The following ABCD3 variants were observed in gnomAD, a reference collection of about 807,000 sequenced individuals.
The protein encoded by ABCD3 is ATP-binding cassette sub-family D member 3.
Under a neutral mutation model 105.5 loss-of-function variants are expected in ABCD3, and 41 were observed. The observed-to-expected ratio is 0.39, with a 90% CI of 0.30 to 0.50. The LOEUF (loss-of-function observed/expected upper bound fraction) is 0.50. Among genes scored for constraint, ABCD3 ranks in the 20% least tolerant of loss-of-function variants. The probability of loss-of-function intolerance (pLI) is 0.84; values close to 1 mark genes in which losing one functional copy is unlikely to be tolerated. For synonymous variants in ABCD3, 258 were observed against 269.0 expected, an observed-to-expected ratio of 0.96 and a Z score of 0.40; for missense variants, 622 against 806.3, an observed-to-expected ratio of 0.77 and a Z score of 2.77.
At chr1:94,447,694 A>C in intron 1 of ABCD3, among the ~76,000 whole-genome samples, 1 of 152,230 alleles carries the variant, frequency 6.6e-6, no homozygotes, top group East Asian at 1.9e-4. Context: ...CAATGTTATG[A>C]TCACTTGCAA....
At chr1:94,395,745 T>A in the ABCD3 span, among the ~76,000 whole-genome samples, 1 of 152,158 alleles carries the variant, frequency 6.6e-6, no homozygotes. Context: ...TAAAATTAAT[T>A]CTGCAGGTGT....
chr1:94,512,736 G>T (rs1398014855), intron 21 of ABCD3, among the ~76,000 whole-genome samples: 2 of 151,984 alleles, frequency 1.3e-5, no homozygotes, highest in Non-Finnish European at 2.9e-5. Flanking sequence ...AATAGTATCA[G>T]TTTTCTTTCT....
At chr1:94,396,306 C>T in the ABCD3 span, among the ~76,000 whole-genome samples, 1 of 152,296 alleles carries the variant, frequency 6.6e-6, no homozygotes, top group East Asian at 1.9e-4. Flanking sequence ...GTGAGATACA[C>T]CACTATAAAC....
chr1:94,469,140 G>A (rs945853197), intron 4 of ABCD3, among the ~76,000 whole-genome samples: 5 of 152,038 alleles, frequency 3.3e-5, no homozygotes, highest in African/African-American at 1.2e-4. Context: ...ACGTGGAGCC[G>A]GTCTTTTTTC....
chr1:94,515,455 G>T (rs1245236230), intron 22 of ABCD3, among the ~76,000 whole-genome samples: 3 of 151,928 alleles, frequency 2.0e-5, no homozygotes, highest in Non-Finnish European at 2.9e-5. Context: ...ACTAAACTTT[G>T]CATAGTCTTA....
intron 1 of ABCD3, among the ~76,000 whole-genome samples, chr1:94,455,167 G>A (rs947105461): frequency 1.3e-5 from 2 of 152,104 alleles, no homozygotes; most frequent in African/African-American, 4.8e-5. Flanking sequence ...GTGTATTAAT[G>A]TAAAGTCAAG....
chr1:94,509,955 A>G (rs921215652), intron 21 of ABCD3, among the ~76,000 whole-genome samples: 2 of 151,982 alleles, frequency 1.3e-5, no homozygotes, highest in African/African-American at 4.8e-5. Context: ...TGGATTCATT[A>G]ATTTTTTGAA....
Position 94,480,689 on chromosome 1 carries a change from GTGACACTGTTAC to G in ABCD3, c.827+86_827+97del, listed in dbSNP as rs1012618928. On this transcript the variant is annotated intron_variant, in intron 9 of 22. Transcript: ENST00000370214. Reference sequence around the variant, plus strand: ...ATTTAAATTGACTCCAAAAAGTCTAGTGACACTGTTACTGTAATAATGTGCATATTGTGTTGA... The same window carrying G: ...ATTTAAATTGACTCCAAAAAGTCTAGTGTAATAATGTGCATATTGTGTTGA... 4.0e-4 allele frequency: 572 copies of G among 1,425,452 alleles called. 1 individual carries two copies. Among genetic ancestry groups the G allele is most frequent in the Middle Eastern group, 2.8e-3 (15 of 5,302 alleles). 88.3% of individuals were successfully genotyped at this position (1,425,452 alleles called of 1,614,324 possible). A position where few individuals can be genotyped will look rare whatever the true frequency, so the allele number is the denominator to read the frequency against.
At chr1:94,473,322 GATCCCC>G (rs1326018608) in intron 4 of ABCD3, among the ~76,000 whole-genome samples, 1 of 152,136 alleles carries the variant, frequency 6.6e-6, no homozygotes, top group Non-Finnish European at 1.5e-5. Context: ...ACCCTTTGCT[GATCCCC>G]ATTAAGTCTG....
chr1:94,386,429 A>G, the ABCD3 span, among the ~76,000 whole-genome samples: 3 of 152,270 alleles, frequency 2.0e-5, no homozygotes, highest in Admixed American at 6.5e-5. Flanking sequence ...AATCTCTTCT[A>G]TTACACATTA....
chr1:94,430,760 A>G (rs1354490651), intron 1 of ABCD3, among the ~76,000 whole-genome samples: 1 of 152,222 alleles, frequency 6.6e-6, no homozygotes, highest in Non-Finnish European at 1.5e-5. Flanking sequence ...GGATAAGGAC[A>G]ACAATTCTGT....
chr1:94,397,177 T>C, the ABCD3 span, among the ~76,000 whole-genome samples: 1 of 152,236 alleles, frequency 6.6e-6, no homozygotes, highest in South Asian at 2.1e-4. Context: ...AGAGAATCCT[T>C]GTATACCTTT....
chr1:94,418,449 C>A lies in ABCD3; in HGVS notation c.-30C>A. On this transcript the variant is annotated 5_prime_UTR_variant, in exon 1 of 23. Transcript: ENST00000370214. Reference sequence around the variant, plus strand: ...CGCCGCCGCCGCCGCCGCCGCGTCCCCTCGCCGGCTCGCTGGTACCGGCAG... The same window carrying A: ...CGCCGCCGCCGCCGCCGCCGCGTCCACTCGCCGGCTCGCTGGTACCGGCAG... The A allele has an allele frequency of 6.5e-7, 1 of 1,549,684 alleles. No individual in the cohort carries two copies. Among genetic ancestry groups the A allele is most frequent in the Admixed American group, 1.8e-5 (1 of 56,868 alleles).
At chr1:94,465,370 G>A (rs1648088194) in intron 3 of ABCD3, among the ~76,000 whole-genome samples, 1 of 152,124 alleles carries the variant, frequency 6.6e-6, no homozygotes, top group South Asian at 2.1e-4. Flanking sequence ...TAGGTCAAAT[G>A]TTTTCTCTGT....
At chr1:94,443,022 G>A (rs1467440392) in intron 1 of ABCD3, among the ~76,000 whole-genome samples, 1 of 152,080 alleles carries the variant, frequency 6.6e-6, no homozygotes, top group East Asian at 1.9e-4. Flanking sequence ...TCTGTTTTTA[G>A]TTCTTTGAGA....
At chr1:94,407,757 G>T in the ABCD3 span, among the ~76,000 whole-genome samples, 1 of 152,188 alleles carries the variant, frequency 6.6e-6, no homozygotes, top group Non-Finnish European at 1.5e-5. Flanking sequence ...ATAGCCTGTG[G>T]ACCAAATCTG....
At chr1:94,443,303 A>G (rs1479042356) in intron 1 of ABCD3, among the ~76,000 whole-genome samples, 1 of 151,798 alleles carries the variant, frequency 6.6e-6, no homozygotes, top group Non-Finnish European at 1.5e-5. Flanking sequence ...CCCACTTTTT[A>G]ATAGGGTTAC....
intron 20 of ABCD3, among the ~76,000 whole-genome samples, chr1:94,501,887 T>A (rs1045182845): frequency 2.0e-5 from 3 of 151,842 alleles, no homozygotes; most frequent in Admixed American, 2.0e-4. Flanking sequence ...TTTTTTTTTT[T>A]ACCTTAAATT....
chr1:94,390,668 T>A, the ABCD3 span, among the ~76,000 whole-genome samples: 1 of 152,280 alleles, frequency 6.6e-6, no homozygotes, highest in South Asian at 2.1e-4. Context: ...ATATGTGTTA[T>A]TACTTAGACA....
Sources: allele counts gnomAD v4.1 joint callset (sites outside exome capture counted in the v4.1 genomes callset), GRCh38; gene constraint gnomAD v4.1.1; transcripts MANE v1.5; gene names NCBI Gene and HGNC (gene_info 2026-07-23, HGNC 2026-07-21).